DDX10: variants seen among roughly 807,000 people sequenced by gnomAD.
The protein encoded by DDX10 is probable ATP-dependent RNA helicase DDX10.
A neutral mutation model predicts 104.3 loss-of-function variants in DDX10; 74 were observed. That is an observed-to-expected ratio of 0.71 (90% CI 0.59 to 0.86). The LOEUF (loss-of-function observed/expected upper bound fraction) is 0.86, where lower values mean the gene tolerates loss of function less well. DDX10 is among the 40% of genes least tolerant of loss of function. The probability of loss-of-function intolerance (pLI) is 0.00; values close to 1 mark genes in which losing one functional copy is unlikely to be tolerated. For synonymous variants in DDX10, 351 were observed against 353.4 expected, an observed-to-expected ratio of 0.99 and a Z score of 0.08; for missense variants, 952 against 1,040.0, an observed-to-expected ratio of 0.92 and a Z score of 1.16.
chr11:108,883,809 C>T (rs1251408268), intron 16 of DDX10, among the ~76,000 whole-genome samples: 2 of 152,212 alleles, frequency 1.3e-5, no homozygotes, highest in Non-Finnish European at 2.9e-5. Flanking sequence ...CAGCCTTTGA[C>T]ACAGTTGTCT....
chr11:108,717,313 G>T (rs2094292742), intron 11 of DDX10, among the ~76,000 whole-genome samples: 1 of 151,588 alleles, frequency 6.6e-6, no homozygotes, highest in Admixed American at 6.6e-5. Context: ...AAGTTTTTTT[G>T]TTTGTTTGTT....
intron 13 of DDX10, among the ~76,000 whole-genome samples, chr11:108,784,002 C>T (rs534331150): frequency 3.9e-5 from 6 of 152,248 alleles, no homozygotes; most frequent in African/African-American, 9.6e-5. Flanking sequence ...CCTAAGGCTG[C>T]GTAGTATTCT....
chr11:108,771,603 A>G (rs1565273493), intron 13 of DDX10, among the ~76,000 whole-genome samples: 1 of 152,094 alleles, frequency 6.6e-6, no homozygotes. Flanking sequence ...CCTCAGTCTC[A>G]CTGTGCAGAA....
chr11:108,868,837 GTA>G (rs922261200), intron 16 of DDX10, among the ~76,000 whole-genome samples: 2 of 151,960 alleles, frequency 1.3e-5, no homozygotes, highest in African/African-American at 4.8e-5. Context: ...TAACTTTCAC[GTA>G]TGTTATTTAA....
intron 17 of DDX10, 81 bp downstream of exon 17, chr11:108,918,099 G>C: frequency 5.1e-6 from 7 of 1,376,990 alleles, no homozygotes; most frequent in Non-Finnish European, 6.2e-6. Context: ...ACATTACTAA[G>C]AGTTCTACTC....
intron 13 of DDX10, among the ~76,000 whole-genome samples, chr11:108,753,443 A>C (rs1002071739): frequency 1.3e-5 from 2 of 152,112 alleles, no homozygotes; most frequent in Admixed American, 1.3e-4. Context: ...AGCATGGTAC[A>C]TATTATGTAC....
rs561289780 is a variant in DDX10, at chr11:108,791,963, A to T, written c.1966-46483A>T. ...TTGCAAGCTCTTGGTATTGTCATTT[A>T]AAAAAATATAGTTATTCGAGTGGCT... is the stretch of plus-strand genomic sequence containing the variant. On this transcript the variant is annotated intron_variant, in intron 13 of 17. Coordinates refer to ENST00000322536, the MANE Select transcript of DDX10 (RefSeq NM_004398.4). 1.7e-3 allele frequency among the ~76,000 whole-genome samples: 252 copies of T among 152,282 alleles called. 2 individuals carry two copies. The highest frequency in any genetic ancestry group is 2.7e-3 in the Admixed American group (41 of 15,298).
intron 13 of DDX10, among the ~76,000 whole-genome samples, chr11:108,763,293 A>T (rs757950429): frequency 3.3e-5 from 5 of 152,184 alleles, no homozygotes; most frequent in African/African-American, 7.2e-5. Flanking sequence ...TCTTAATTTC[A>T]TAGGCCTTCC....
intron 9 of DDX10, among the ~76,000 whole-genome samples, chr11:108,700,980 C>T (rs1591795506): frequency 6.6e-6 from 1 of 151,956 alleles, no homozygotes; most frequent in East Asian, 1.9e-4. Flanking sequence ...GCTTTCCATG[C>T]AATACGTATT....
At chr11:108,696,177 T>C (rs952253566) in intron 9 of DDX10, among the ~76,000 whole-genome samples, 2 of 151,304 alleles carry the variant, frequency 1.3e-5, no homozygotes, top group African/African-American at 4.8e-5. Context: ...TTTTGTTTTG[T>C]TCTGTTTTGT....
intron 15 of DDX10, among the ~76,000 whole-genome samples, chr11:108,845,483 C>G (rs769240668): frequency 9.9e-5 from 15 of 152,028 alleles, no homozygotes; most frequent in Non-Finnish European, 1.8e-4. Flanking sequence ...GAGGCTGTCA[C>G]TCATAATTTT....
At chr11:108,846,153 ATTG>A (rs1370702120) in intron 15 of DDX10, among the ~76,000 whole-genome samples, 1 of 152,182 alleles carries the variant, frequency 6.6e-6, no homozygotes, top group Non-Finnish European at 1.5e-5. Context: ...ACACATAATA[ATTG>A]TATGTATGGG....
intron 12 of DDX10, among the ~76,000 whole-genome samples, chr11:108,721,243 AT>A (rs373903962): frequency 2.2e-3 from 339 of 152,262 alleles, no homozygotes; most frequent in African/African-American, 7.8e-3. Context: ...AACCTTTTAA[AT>A]TGCTTTATAG....
chr11:108,803,833 G>T (rs1025298889), intron 13 of DDX10, among the ~76,000 whole-genome samples: 1 of 152,146 alleles, frequency 6.6e-6, no homozygotes, highest in African/African-American at 2.4e-5. Flanking sequence ...AAAAGCAAAT[G>T]CTCATGTGTT....
At chr11:108,689,538 C>T (rs1200935960) in intron 7 of DDX10, among the ~76,000 whole-genome samples, 5 of 152,210 alleles carry the variant, frequency 3.3e-5, no homozygotes, top group Non-Finnish European at 1.5e-5. Context: ...CTTTCTGACA[C>T]TCCCTTTTTA....
intron 17 of DDX10, among the ~76,000 whole-genome samples, chr11:108,937,396 T>A (rs544043347): frequency 5.3e-4 from 81 of 152,346 alleles, no homozygotes; most frequent in African/African-American, 1.8e-3. Flanking sequence ...ATTTCTCGGA[T>A]TATTTTGATG....
Position 108,919,582 on chromosome 11 carries a change from G to A in DDX10, c.2450+1564G>A, listed in dbSNP as rs570369077. On this transcript the variant is annotated intron_variant, in intron 17 of 17. Coordinates refer to ENST00000322536, the MANE Select transcript of DDX10 (RefSeq NM_004398.4). ...GTAACATACATGACTTTCAGTCATT[G>A]TCTTCCAAGTGTTTCCATGTAACTT... 11 of 152,304 alleles carry A rather than the reference G, an allele frequency of 7.2e-5. No individual in the cohort carries two copies. The South Asian group carries it at 2.3e-3, about 32-fold the overall frequency. 9.4% of individuals were successfully genotyped at this position (152,304 alleles called of 1,614,324 possible). A position where few individuals can be genotyped will look rare whatever the true frequency, so the allele number is the denominator to read the frequency against.
In DDX10 at chr11:108,824,543, A is replaced by G. The variant is rs145776306; in HGVS notation, c.1966-13903A>G. The stretch of plus-strand genomic sequence containing the variant: ...AAAGCTGTAGAGATGAGAAATTGAT[A>G]TAGCCAATTTGGACACAAGTTAAAA... On this transcript the variant is annotated intron_variant, in intron 13 of 17. Transcript: ENST00000322536. 3.3e-4 allele frequency among the ~76,000 whole-genome samples: 50 copies of G among 152,348 alleles called. No homozygotes were observed. In the East Asian group the frequency reaches 4.6e-3, roughly 14 times the overall value.
At chr11:108,915,103 G>A (rs2134661834) in intron 16 of DDX10, among the ~76,000 whole-genome samples, 1 of 152,138 alleles carries the variant, frequency 6.6e-6, no homozygotes, top group East Asian at 1.9e-4. Flanking sequence ...CATATTTGAA[G>A]GAATAATGGC....
Sources: allele counts gnomAD v4.1 joint callset (sites outside exome capture counted in the v4.1 genomes callset), GRCh38; gene constraint gnomAD v4.1.1; transcripts MANE v1.5; gene names NCBI Gene and HGNC (gene_info 2026-07-23, HGNC 2026-07-21).